Variants in CFAP263 observed in about 807,000 individuals in gnomAD.
CFAP263 encodes cilia and flagella associated protein 263.
the CFAP263 span, chr16:58,252,806 C>T: frequency 3.1e-6 from 5 of 1,613,328 alleles, no homozygotes; most frequent in African/African-American, 4.0e-5. Flanking sequence ...GGATCAGCGA[C>T]CTCCACGATT....
At chr16:58,280,815 T>C in the CFAP263 span, 1 of 1,469,502 alleles carries the variant, frequency 6.8e-7, no homozygotes, top group Non-Finnish European at 9.2e-7. Flanking sequence ...GTTGTAAATC[T>C]ATCCTTGTGC....
the CFAP263 span, among the ~76,000 whole-genome samples, chr16:58,264,523 C>G: frequency 1.3e-5 from 2 of 152,150 alleles, no homozygotes; most frequent in Admixed American, 6.5e-5. Flanking sequence ...CAGACCTTGC[C>G]TGTGCTTGAA....
chr16:58,250,946 T>G, the CFAP263 span, among the ~76,000 whole-genome samples: 5 of 152,332 alleles, frequency 3.3e-5, no homozygotes, highest in Non-Finnish European at 5.9e-5. Flanking sequence ...TTTTGCAGTC[T>G]GCTTTATATA....
the CFAP263 span, chr16:58,262,550 T>C: frequency 5.7e-6 from 9 of 1,590,018 alleles, no homozygotes; most frequent in Non-Finnish European, 7.7e-6. Context: ...AGTAAGGCCA[T>C]CCCTGATACC....
At chr16:58,281,079 G>T in the CFAP263 span, 1 of 295,064 alleles carries the variant, frequency 3.4e-6, no homozygotes, top group East Asian at 6.6e-5. Context: ...CTGAAATGTT[G>T]GTGTTTGTTT....
the CFAP263 span, chr16:58,259,876 G>A: frequency 2.3e-5 from 37 of 1,595,500 alleles, no homozygotes; most frequent in East Asian, 2.5e-4. Context: ...GAGAAATTAC[G>A]TTTGAAAAAT....
chr16:58,262,257 A>C, the CFAP263 span: 2 of 824,128 alleles, frequency 2.4e-6, no homozygotes, highest in Non-Finnish European at 3.9e-6. Flanking sequence ...CAGATGCCCA[A>C]TATGTGTTTG....
chr16:58,249,945 G>T, the CFAP263 span: 1 of 1,041,892 alleles, frequency 9.6e-7, no homozygotes, highest in Non-Finnish European at 1.5e-6. Context: ...CGCAGCCGGA[G>T]TGACGCGTGG....
the CFAP263 span, among the ~76,000 whole-genome samples, chr16:58,273,373 G>T: frequency 6.6e-6 from 1 of 150,808 alleles, no homozygotes; most frequent in African/African-American, 2.4e-5. Context: ...ATTTTTCTTG[G>T]TTCTCTTTTC....
chr16:58,262,359 T>G, the CFAP263 span: 335 of 1,583,880 alleles, frequency 2.1e-4, no homozygotes, highest in Non-Finnish European at 2.7e-4. Context: ...ACGTATCATC[T>G]TTTCTTTCAT....
At chr16:58,250,064 C>T in the CFAP263 span, 2 of 1,600,506 alleles carry the variant, frequency 1.2e-6, no homozygotes, top group Non-Finnish European at 1.7e-6. Context: ...CATGAAGGGT[C>T]GGAGCTGGAG....
the CFAP263 span, among the ~76,000 whole-genome samples, chr16:58,257,518 C>T: frequency 9.2e-5 from 14 of 152,108 alleles, 1 homozygote; most frequent in Non-Finnish European, 1.5e-4. Flanking sequence ...ACTACAGCCT[C>T]GAACTTCTGG....
chr16:58,280,981 T>C, the CFAP263 span: 74 of 536,854 alleles, frequency 1.4e-4, no homozygotes, highest in Non-Finnish European at 2.2e-4. Context: ...CTTCTGCTGA[T>C]TGCCTATAGC....
At chr16:58,271,466 A>G in the CFAP263 span, among the ~76,000 whole-genome samples, 4 of 152,114 alleles carry the variant, frequency 2.6e-5, no homozygotes, top group Admixed American at 2.0e-4. Context: ...ACATTTCCTT[A>G]GTTCTTACCT....
the CFAP263 span, among the ~76,000 whole-genome samples, chr16:58,277,128 T>G: frequency 0.035 from 5,267 of 152,022 alleles, 129 homozygotes; most frequent in East Asian, 0.081. Context: ...ATGTTAAAAT[T>G]TTTTTTTAAA....
the CFAP263 span, among the ~76,000 whole-genome samples, chr16:58,259,460 C>T: frequency 9.9e-5 from 15 of 152,070 alleles, no homozygotes; most frequent in Non-Finnish European, 1.8e-4. Flanking sequence ...TTTTACAACA[C>T]GTCAAGCTTT....
At chr16:58,280,286 AC>A in the CFAP263 span, 1 of 1,614,134 alleles carries the variant, frequency 6.2e-7, no homozygotes, top group South Asian at 1.1e-5. Context: ...TCGGGCTGAT[AC>A]AACCTGTTCT....
chr16:58,273,816 G>T, the CFAP263 span, among the ~76,000 whole-genome samples: 1 of 152,074 alleles, frequency 6.6e-6, no homozygotes, highest in Non-Finnish European at 1.5e-5. Flanking sequence ...CCTTTCTTGG[G>T]CTTGTCATTG....
chr16:58,254,088 G>T, the CFAP263 span: 1 of 1,614,236 alleles, frequency 6.2e-7, no homozygotes, highest in Non-Finnish European at 8.5e-7. Flanking sequence ...GGTACAAAAA[G>T]AGGTTGCGGA....
Sources: allele counts gnomAD v4.1 joint callset (sites outside exome capture counted in the v4.1 genomes callset), GRCh38; gene constraint gnomAD v4.1.1; transcripts MANE v1.5; gene names NCBI Gene and HGNC (gene_info 2026-07-23, HGNC 2026-07-21).